LRRTM4: variants seen among roughly 807,000 people sequenced by gnomAD.
LRRTM4 encodes leucine rich repeat transmembrane neuronal 4, also known as leucine-rich repeat transmembrane neuronal protein 4.
LRRTM4 carries 25 observed loss-of-function variants against 47.6 expected under a neutral mutation model. The ratio of observed to expected loss-of-function variants is 0.53; its 90% confidence interval spans 0.38 to 0.73. The LOEUF (loss-of-function observed/expected upper bound fraction) is 0.73. Ranked by LOEUF, LRRTM4 falls within the 30% of genes least tolerant of loss-of-function variation. The probability of loss-of-function intolerance (pLI) is 0.00; values close to 1 mark genes in which losing one functional copy is unlikely to be tolerated. For synonymous variants in LRRTM4, 311 were observed against 269.5 expected, an observed-to-expected ratio of 1.15 and a Z score of -1.51; for missense variants, 638 against 713.4, an observed-to-expected ratio of 0.89 and a Z score of 1.20.
At chr2:76,814,589 T>G (rs531591873) in intron 3 of LRRTM4, among the ~76,000 whole-genome samples, 2 of 152,142 alleles carry the variant, frequency 1.3e-5, no homozygotes, top group African/African-American at 4.8e-5. Context: ...ATAGAATTCA[T>G]GTTGTATTAG....
chr2:77,433,637 A>G (rs1444367892), intron 3 of LRRTM4, among the ~76,000 whole-genome samples: 2 of 152,216 alleles, frequency 1.3e-5, no homozygotes, highest in Non-Finnish European at 1.5e-5. Flanking sequence ...CTTCATTGCC[A>G]TAAGACCTTA....
chr2:77,430,394 T>C (rs919977950), intron 3 of LRRTM4, among the ~76,000 whole-genome samples: 2 of 152,144 alleles, frequency 1.3e-5, no homozygotes, highest in African/African-American at 2.4e-5. Context: ...TAAGACATTT[T>C]AGGTGGCATG....
At chr2:77,005,043 G>A (rs540357278) in intron 3 of LRRTM4, among the ~76,000 whole-genome samples, 3 of 152,124 alleles carry the variant, frequency 2.0e-5, no homozygotes, top group Non-Finnish European at 4.4e-5. Context: ...CTAGATGGAA[G>A]GGACTTGCCT....
intron 3 of LRRTM4, among the ~76,000 whole-genome samples, chr2:76,844,075 G>A (rs973622427): frequency 1.3e-5 from 2 of 150,212 alleles, no homozygotes; most frequent in Non-Finnish European, 3.0e-5. Context: ...CTAATTTTTT[G>A]TATTGTTAAT....
chr2:77,428,763 C>G (rs1675230064), intron 3 of LRRTM4, among the ~76,000 whole-genome samples: 1 of 152,052 alleles, frequency 6.6e-6, no homozygotes, highest in Non-Finnish European at 1.5e-5. Flanking sequence ...ATTGCATGTT[C>G]TTAAGTAAAG....
At chr2:77,034,174 C>A (rs923633669) in intron 3 of LRRTM4, among the ~76,000 whole-genome samples, 1 of 151,588 alleles carries the variant, frequency 6.6e-6, no homozygotes, top group African/African-American at 2.4e-5. Context: ...ATTATAGAAT[C>A]CATTTCAAAT....
intron 3 of LRRTM4, among the ~76,000 whole-genome samples, chr2:77,164,173 A>G (rs1485774219): frequency 6.6e-6 from 1 of 152,202 alleles, no homozygotes; most frequent in Non-Finnish European, 1.5e-5. Flanking sequence ...AGTCTCTGAT[A>G]AAACAGACTT....
intron 3 of LRRTM4, among the ~76,000 whole-genome samples, chr2:76,865,469 A>T (rs978815556): frequency 6.6e-6 from 1 of 152,216 alleles, no homozygotes; most frequent in African/African-American, 2.4e-5. Flanking sequence ...GAAACAATTT[A>T]CATTTCTTAT....
At chr2:77,069,267 A>G (rs1680067405) in intron 3 of LRRTM4, among the ~76,000 whole-genome samples, 1 of 152,102 alleles carries the variant, frequency 6.6e-6, no homozygotes, top group Non-Finnish European at 1.5e-5. Context: ...TTTGGCCGTT[A>G]TGAATAACAT....
At chr2:76,916,403 AAAAAG>A (rs1553430735) in intron 3 of LRRTM4, among the ~76,000 whole-genome samples, 48 of 138,524 alleles carry the variant, frequency 3.5e-4, no homozygotes, top group African/African-American at 1.2e-3. Flanking sequence ...AAAAAAAAAA[AAAAAG>A]AAAAGAAAAA....
chr2:76,972,169 A>G lies in LRRTM4; in HGVS notation c.1552-223253T>C, dbSNP rs758573554. Among the ~76,000 whole-genome samples the G allele has an allele frequency of 6.6e-5, 10 of 152,046 alleles. No homozygotes were observed. The South Asian group carries it at 1.0e-3, about 16-fold the overall frequency. ...TGTCTTAGCGAAAAGGAGAAACCCA[A>G]TAGTAGTTCTCTGAGAAACTCTAGT... On this transcript the variant is annotated intron_variant, in intron 3 of 3. Coordinates refer to ENST00000409884, the MANE Select transcript of LRRTM4 (RefSeq NM_001134745.3).
chr2:77,248,253 AAT>A (rs1351352380), intron 3 of LRRTM4, among the ~76,000 whole-genome samples: 1 of 151,830 alleles, frequency 6.6e-6, no homozygotes, highest in Non-Finnish European at 1.5e-5. Context: ...ATATGTTTTT[AAT>A]ATGTGTGTAT....
chr2:77,308,080 T>C (rs184282168), intron 3 of LRRTM4, among the ~76,000 whole-genome samples: 2,705 of 141,342 alleles, frequency 0.019, 52 homozygotes, highest in African/African-American at 0.039. Flanking sequence ...ATAACATATA[T>C]AGATATATAG....
At chr2:76,782,306 G>T (rs1674441334) in intron 3 of LRRTM4, among the ~76,000 whole-genome samples, 1 of 152,142 alleles carries the variant, frequency 6.6e-6, no homozygotes, top group Non-Finnish European at 1.5e-5. Flanking sequence ...TACAGCTACA[G>T]ATCTAAATCT....
intron 3 of LRRTM4, among the ~76,000 whole-genome samples, chr2:76,832,878 C>A (rs953585779): frequency 1.3e-5 from 2 of 152,030 alleles, no homozygotes; most frequent in Non-Finnish European, 2.9e-5. Context: ...ATGAATGGAA[C>A]ATGCTGACTC....
intron 3 of LRRTM4, among the ~76,000 whole-genome samples, chr2:76,765,874 A>T (rs544980014): frequency 1.3e-5 from 2 of 152,358 alleles, no homozygotes; most frequent in South Asian, 4.1e-4. Flanking sequence ...GATGGAGGAA[A>T]TGTAGCTGCA....
intron 3 of LRRTM4, among the ~76,000 whole-genome samples, chr2:77,455,666 T>C (rs1676504149): frequency 6.6e-6 from 1 of 152,118 alleles, no homozygotes; most frequent in African/African-American, 2.4e-5. Flanking sequence ...CTCTCATTTA[T>C]TTACTACTTG....
In LRRTM4 at chr2:77,519,587, A is replaced by G. The variant is rs199697785; in HGVS notation, c.282T>C (p.His94=). 11 of 1,613,484 alleles carry G rather than the reference A, an allele frequency of 6.8e-6. No individual in the cohort carries two copies. The Admixed American group carries it at 1.7e-4, about 24-fold the overall frequency. Reference sequence around the variant, plus strand: ...CTTCATCCACTGAGCTAATGTAATTATGGTCAAGATAAAGCCATATAAGCT... The same window carrying G: ...CTTCATCCACTGAGCTAATGTAATTGTGGTCAAGATAAAGCCATATAAGCT... ...LNQLIWLYLD[H]NYISSVDEDA... is the part of the protein sequence containing the mutation. Residue 94 remains histidine (H), a synonymous_variant, in exon 3 of 4, where the codon CAT becomes CAC. Transcript: ENST00000409884. The surrounding 1 kb of genome is among the most constrained non-coding windows in gnomAD (Gnocchi z 4.6).
At chr2:76,928,795 TATTG>T (rs1044502576) in intron 3 of LRRTM4, among the ~76,000 whole-genome samples, 4 of 152,162 alleles carry the variant, frequency 2.6e-5, no homozygotes, top group Non-Finnish European at 5.9e-5. Flanking sequence ...GAATTTCCTT[TATTG>T]ATTTACACTG....
Sources: allele counts gnomAD v4.1 joint callset (sites outside exome capture counted in the v4.1 genomes callset), GRCh38; gene constraint gnomAD v4.1.1; non-coding constraint Gnocchi (gnomAD v3.1); transcripts MANE v1.5; gene names NCBI Gene and HGNC (gene_info 2026-07-23, HGNC 2026-07-21).